Variants in SUV39H1 observed in about 807,000 individuals in gnomAD.
SUV39H1 encodes the protein SUV39H1 histone lysine methyltransferase, also known as histone-lysine N-methyltransferase SUV39H1.
For missense variants in SUV39H1, 180 were observed against 386.3 expected (o/e 0.47, Z 4.48); for synonymous variants, 141 against 150.5 (o/e 0.94, Z 0.46).
intron 3 of SUV39H1, among the ~76,000 whole-genome samples, chrX:48,704,923 C>G (rs1257932700): frequency 8.9e-6 from 1 of 111,831 alleles, no homozygotes; most frequent in African/African-American, 3.3e-5. Flanking sequence ...ACAAGGAAGG[C>G]CTCAATAAAA....
chrX:48,700,005 T>A, intron 2 of SUV39H1, 86 bp from the exon 3 acceptor site: 1 of 850,225 alleles, frequency 1.2e-6, no homozygotes, highest in Admixed American at 3.4e-5. Context: ...GTGTTATCCA[T>A]CAGCTTTGGG....
intron 4 of SUV39H1, 30 bp downstream of exon 4, chrX:48,706,441 T>C: frequency 8.3e-7 from 1 of 1,202,502 alleles, no homozygotes; most frequent in Non-Finnish European, 1.1e-6. Flanking sequence ...GGGCAAGGGG[T>C]CGAGAGGGGC....
At chrX:48,706,756 C>T in intron 5 of SUV39H1, 129 bp downstream of exon 5, 1 of 819,601 alleles carries the variant, frequency 1.2e-6, no homozygotes, top group East Asian at 3.5e-5. Flanking sequence ...GATGCTCTTC[C>T]TGACTCCCAG....
rs192230143 is a variant in SUV39H1 at position 48,706,160 on chromosome X, C to A, written c.829-105C>A. 1,167 of 1,023,200 alleles carry A rather than the reference C, an allele frequency of 1.1e-3. 7 individuals are homozygous for A. In the African/African-American group the frequency reaches 0.018, roughly 16 times the overall value. 84.3% of individuals were successfully genotyped at this position (1,023,200 alleles called of 1,213,427 possible). ...CTGCGTCACTGCCCATGTGTGTCCA[C>A]GGGCAGGGGTGCCTCCTGCTCCCTG... On this transcript the variant is annotated intron_variant, in intron 3 of 5. Transcript: ENST00000376687.
Position 48,707,974 on chromosome X carries a change from G to T in SUV39H1, c.*404G>T. ...CAGGCCTCCTCCCTGCTGCCCCAAA[G>T]GTATGGGGAAGCAACCCCAGAGCAG... On this transcript the variant is annotated 3_prime_UTR_variant, in exon 6 of 6. Coordinates refer to ENST00000376687, the MANE Select transcript of SUV39H1 (RefSeq NM_003173.4). 4.1e-6 allele frequency: 1 copy of T among 244,206 alleles called. No individual in the cohort carries two copies. The highest frequency in any genetic ancestry group is 7.7e-6 in the Non-Finnish European group (1 of 129,454). The allele number at this position is 244,206 out of a possible 1,213,427, so 20.1% of individuals were successfully genotyped here.
intron 5 of SUV39H1, 119 bp from the exon 6 acceptor site, chrX:48,707,318 C>T: frequency 2.8e-6 from 2 of 724,183 alleles, no homozygotes; most frequent in East Asian, 3.5e-5. Flanking sequence ...GGTAGTGGGA[C>T]CCTTCATCCA....
At chrX:48,698,801 A>AC (rs2062464675) in intron 1 of SUV39H1, 101 bp from the exon 2 acceptor site, 1 of 994,760 alleles carries the variant, frequency 1.0e-6, no homozygotes. Context: ...CCTGACTCTT[A>AC]GTCAGTCTTT....
At chrX:48,706,168 G>A (rs2062490331) in intron 3 of SUV39H1, 97 bp from the exon 4 acceptor site, 1 of 1,073,670 alleles carries the variant, frequency 9.3e-7, no homozygotes, top group Non-Finnish European at 1.2e-6. Context: ...CACGGGCAGG[G>A]GTGCCTCCTG....
At chrX:48,699,114 G>T in intron 2 of SUV39H1, 67 bp downstream of exon 2, 1 of 1,086,057 alleles carries the variant, frequency 9.2e-7, no homozygotes, top group Non-Finnish European at 1.2e-6. Context: ...CTGCCCTCTT[G>T]TCCCCAACTG....
At chrX:48,700,057 AC>A in intron 2 of SUV39H1, 33 bp from the exon 3 acceptor site, 3 of 1,112,565 alleles carry the variant, frequency 2.7e-6, no homozygotes, top group Non-Finnish European at 3.6e-6. Flanking sequence ...CTCACTACTT[AC>A]GGTACCCCCG....
At chrX:48,702,918 A>T (rs1334291720) in intron 3 of SUV39H1, among the ~76,000 whole-genome samples, 1 of 111,664 alleles carries the variant, frequency 9.0e-6, no homozygotes, top group Non-Finnish European at 1.9e-5. Flanking sequence ...CTGAAGAGAC[A>T]GTATAGCAAA....
intron 5 of SUV39H1, among the ~76,000 whole-genome samples, chrX:48,706,940 C>G (rs2062492928): frequency 9.0e-6 from 1 of 110,555 alleles, no homozygotes. Flanking sequence ...CCTCCCCACT[C>G]CTAGCTCCCT....
At chrX:48,700,969 A>G in intron 3 of SUV39H1, 1 of 489,767 alleles carries the variant, frequency 2.0e-6, no homozygotes, top group Non-Finnish European at 3.7e-6. Context: ...AGGAACACCA[A>G]AATACTTCTG....
chrX:48,702,991 T>A (rs782126996), intron 3 of SUV39H1, among the ~76,000 whole-genome samples: 1 of 111,931 alleles, frequency 8.9e-6, no homozygotes, highest in African/African-American at 3.2e-5. Flanking sequence ...CCACTACTCA[T>A]CAGCAATCAC....
chrX:48,697,721 A>G (rs1023099532), intron 1 of SUV39H1, among the ~76,000 whole-genome samples: 2 of 112,133 alleles, frequency 1.8e-5, no homozygotes, highest in African/African-American at 6.5e-5. Flanking sequence ...GAGGCAGAAA[A>G]TATTAAACAT....
At chrX:48,696,996 C>G (rs1212845533) in intron 1 of SUV39H1, among the ~76,000 whole-genome samples, 193 bp downstream of exon 1, 2 of 107,955 alleles carry the variant, frequency 1.9e-5, no homozygotes, top group Non-Finnish European at 3.9e-5. Flanking sequence ...AGGGGGCGCG[C>G]GCCTCGGAAC....
upstream of SUV39H1, chrX:48,696,618 C>A: frequency 1.6e-6 from 1 of 643,216 alleles, no homozygotes; most frequent in Non-Finnish European, 2.1e-6. Flanking sequence ...GCCTCCGGGA[C>A]CGAGCCGGGC....
intron 3 of SUV39H1, among the ~76,000 whole-genome samples, chrX:48,703,310 A>G (rs1557009657): frequency 2.7e-5 from 3 of 111,974 alleles, no homozygotes; most frequent in Non-Finnish European, 5.6e-5. Flanking sequence ...ATTTCGTTGC[A>G]GCAGTTCTAA....
intron 2 of SUV39H1, among the ~76,000 whole-genome samples, chrX:48,699,639 CA>C (rs2062467754): frequency 8.9e-6 from 1 of 111,981 alleles, no homozygotes; most frequent in Non-Finnish European, 1.9e-5. Flanking sequence ...CTAGAACAGG[CA>C]AGGACTTGTC....
Sources: gnomAD v4.1 joint callset for allele counts (sites outside exome capture counted in the v4.1 genomes callset) on GRCh38, gnomAD v4.1.1 for gene constraint, MANE v1.5 for transcripts, NCBI Gene and HGNC (gene_info 2026-07-23, HGNC 2026-07-21) for gene names.